Variants in LY75 observed in about 807,000 individuals in gnomAD.
LY75 encodes C-type lectin domain family 13 member B.
LY75 carries 185 observed loss-of-function variants against 231.7 expected under a neutral mutation model. The ratio of observed to expected loss-of-function variants is 0.80; its 90% CI spans 0.71 to 0.90. The LOEUF is 0.90. Among genes scored for constraint, LY75 ranks in the 40% least tolerant of loss-of-function variants. LY75 has a pLI of 0.00. For missense variants in LY75, 1,947 were observed against 2,050.2 expected, an observed-to-expected ratio of 0.95 and a Z score of 0.97; for synonymous variants, 668 against 689.0, an observed-to-expected ratio of 0.97 and a Z score of 0.48.
chr2:159,843,477 A>G (rs1336031059), intron 23 of LY75, among the ~76,000 whole-genome samples: 2 of 116,184 alleles, frequency 1.7e-5, no homozygotes, highest in Non-Finnish European at 3.7e-5. Flanking sequence ...GAAATGGAAA[A>G]TTAATAATGG....
chr2:159,829,423 C>T (rs1683579868), intron 28 of LY75, among the ~76,000 whole-genome samples: 1 of 152,184 alleles, frequency 6.6e-6, no homozygotes. Context: ...TCTCAGTTGA[C>T]ATACTGTGGC....
At chr2:159,855,395 A>G (rs1377017524) in intron 16 of LY75, among the ~76,000 whole-genome samples, 3 of 152,236 alleles carry the variant, frequency 2.0e-5, no homozygotes. Flanking sequence ...TTAGGTTGAT[A>G]GAGTTCATTG....
chr2:159,841,858 C>T (rs1426234375), intron 24 of LY75, among the ~76,000 whole-genome samples: 1 of 151,944 alleles, frequency 6.6e-6, no homozygotes, highest in Non-Finnish European at 1.5e-5. Context: ...GGGATAACTA[C>T]TATTAACAAA....
chr2:159,857,112 T>C lies in LY75; in HGVS notation c.2383+1250A>G, dbSNP rs1471125039. Among the ~76,000 whole-genome samples the C allele has an allele frequency of 5.9e-5, 9 of 152,344 alleles. No homozygotes were observed. The East Asian group carries it at 1.7e-3, about 29-fold the overall frequency. On this transcript the variant is annotated intron_variant, in intron 16 of 34. Coordinates refer to ENST00000263636, the MANE Select transcript of LY75 (RefSeq NM_002349.4). ...AACTGGTTTTCCTTTGTCCCTTTTTTGGGTTTAATAAAATAATCAAGAATA... is the reference window on the plus strand; with the variant it reads ...AACTGGTTTTCCTTTGTCCCTTTTTCGGGTTTAATAAAATAATCAAGAATA...
chr2:159,806,342 T>C (rs942409168), intron 34 of LY75, among the ~76,000 whole-genome samples: 2 of 152,212 alleles, frequency 1.3e-5, no homozygotes, highest in African/African-American at 4.8e-5. Context: ...TGGATACTGA[T>C]TACCTAGAAT....
intron 10 of LY75, 64 bp downstream of exon 10, chr2:159,878,569 A>C (rs1685342178): frequency 6.2e-7 from 1 of 1,612,304 alleles, no homozygotes; most frequent in South Asian, 1.1e-5. Context: ...TTACTTAGGA[A>C]GACTGTTTGG....
At chr2:159,807,866 C>A in intron 33 of LY75, 1 of 985,038 alleles carries the variant, frequency 1.0e-6, no homozygotes, top group South Asian at 4.7e-5. Flanking sequence ...TTAAAAAATC[C>A]TTCCACAAAT....
intron 27 of LY75, among the ~76,000 whole-genome samples, 189 bp downstream of exon 27, chr2:159,833,855 C>T (rs933074889): frequency 6.6e-6 from 1 of 152,160 alleles, no homozygotes; most frequent in Non-Finnish European, 1.5e-5. Flanking sequence ...AGGGCAGTTT[C>T]CCTGCACATG....
intron 4 of LY75, among the ~76,000 whole-genome samples, chr2:159,889,572 A>T (rs1360562566): frequency 1.3e-5 from 2 of 152,110 alleles, no homozygotes; most frequent in Non-Finnish European, 2.9e-5. Context: ...TTCCAATCAA[A>T]GTTCCAATAG....
At chr2:159,874,635 A>ATTT (rs1400301794) in intron 12 of LY75, among the ~76,000 whole-genome samples, 625 of 19,694 alleles carry the variant, frequency 0.032, 15 homozygotes, top group African/African-American at 0.066. Context: ...TAGTAAATAT[A>ATTT]TGTAAATATA....
chr2:159,848,166 G>A (rs76844165), intron 23 of LY75, among the ~76,000 whole-genome samples: 61,480 of 139,588 alleles, frequency 0.44, 15,338 homozygotes, highest in Non-Finnish European at 0.57. Flanking sequence ...GTGTGTGTGT[G>A]TATATGTATA....
intron 7 of LY75, 119 bp downstream of exon 7, chr2:159,882,005 T>C: frequency 8.1e-7 from 1 of 1,231,548 alleles, no homozygotes; most frequent in Non-Finnish European, 1.1e-6. Context: ...GACAATCCTA[T>C]CTGACAGGGC....
intron 31 of LY75, among the ~76,000 whole-genome samples, chr2:159,811,196 T>C (rs1682951271): frequency 6.6e-6 from 1 of 152,166 alleles, no homozygotes; most frequent in African/African-American, 2.4e-5. Context: ...CTTTTTATTT[T>C]GATAATCTAA....
In LY75 at chr2:159,819,806, C is replaced by A. The variant is rs1201088142; in HGVS notation, c.4073G>T (p.Trp1358Leu). 1 of 1,614,032 alleles carries A rather than the reference C, an allele frequency of 6.2e-7. No individual in the cohort carries two copies. Residue 1358 changes from tryptophan to leucine, a missense_variant, in exon 29 of 35, where the codon TGG (tryptophan) becomes TTG (leucine). Coordinates refer to ENST00000263636, the MANE Select transcript of LY75 (RefSeq NM_002349.4). ...AATAACTTTAAAGGTTTGAATATCC[C>A]AGAAGCCGTCAGTACTTAAACCAGC... ...FLAGLSTDGF[W>L]DIQTFKVIEE...
intron 32 of LY75, 23 bp from the exon 33 acceptor site, chr2:159,808,594 C>A: frequency 6.2e-7 from 1 of 1,611,218 alleles, no homozygotes; most frequent in South Asian, 1.1e-5. Flanking sequence ...AACACATTCT[C>A]AATTAGCTTT....
intron 15 of LY75, among the ~76,000 whole-genome samples, chr2:159,859,952 C>T (rs560573604): frequency 6.6e-6 from 1 of 152,314 alleles, no homozygotes; most frequent in Admixed American, 6.5e-5. Context: ...CTTGTTCTTG[C>T]ATAAAACTTG....
intron 3 of LY75, among the ~76,000 whole-genome samples, chr2:159,891,365 T>C (rs1685751134): frequency 6.6e-6 from 1 of 152,162 alleles, no homozygotes; most frequent in Admixed American, 6.5e-5. Context: ...CATTTTTCTA[T>C]AGCATAAATA....
In LY75 at chr2:159,808,595, A is replaced by C. The variant is rs777564953; in HGVS notation, c.4700-24T>G. On this transcript the variant is annotated intron_variant, in intron 32 of 34. Coordinates refer to ENST00000263636, the MANE Select transcript of LY75 (RefSeq NM_002349.4). Reference sequence around the variant, plus strand: ...ATCTGTTGAAAGAAAACACATTCTCAATTAGCTTTATGGAAACTAGAGAAG... The same window carrying C: ...ATCTGTTGAAAGAAAACACATTCTCCATTAGCTTTATGGAAACTAGAGAAG... The C allele has an allele frequency of 2.5e-6, 4 of 1,611,216 alleles. No individual in the cohort carries two copies. The South Asian group carries it at 4.4e-5, about 18-fold the overall frequency.
intron 32 of LY75, among the ~76,000 whole-genome samples, chr2:159,810,159 G>T (rs936255604): frequency 3.3e-5 from 5 of 151,964 alleles, no homozygotes; most frequent in Admixed American, 2.6e-4. Flanking sequence ...TCAGCCTCCC[G>T]AGTAGCTGGG....
Sources: gnomAD v4.1 joint callset for allele counts (sites outside exome capture counted in the v4.1 genomes callset) on GRCh38, gnomAD v4.1.1 for gene constraint, MANE v1.5 for transcripts, NCBI Gene and HGNC (gene_info 2026-07-23, HGNC 2026-07-21) for gene names.